C16orf95: variants seen among roughly 807,000 people sequenced by gnomAD.
C16orf95 encodes the protein chromosome 16 open reading frame 95, also known as uncharacterized protein C16orf95.
A neutral mutation model predicts 32.1 loss-of-function variants in C16orf95; 41 were observed. The observed-to-expected ratio is 1.28, with a 90% CI of 1.00 to 1.66. C16orf95 has a LOEUF of 1.66. C16orf95 is among the 40% of genes most tolerant of loss of function. The pLI is 0.00. For synonymous variants in C16orf95, 147 were observed against 128.9 expected (o/e 1.14, Z -0.95); for missense variants, 399 against 325.9 (o/e 1.22, Z -1.73).
intron 5 of C16orf95, among the ~76,000 whole-genome samples, chr16:87,309,086 G>A (rs150211367): frequency 1.8e-4 from 27 of 152,268 alleles, no homozygotes; most frequent in African/African-American, 6.0e-4. Context: ...GTGGTACACT[G>A]TCACCATAAA....
In C16orf95 at chr16:87,317,173, A is replaced by G. The variant is rs1317515879; in HGVS notation, c.70T>C (p.Ser24Pro). 2.0e-6 allele frequency: 3 copies of G among 1,530,096 alleles called. No homozygotes were observed. The South Asian group carries it at 3.6e-5, about 18-fold the overall frequency. 94.8% of individuals were successfully genotyped at this position (1,530,096 alleles called of 1,614,324 possible). Residue 24 changes from serine (S) to proline (P), a missense_variant, in exon 1 of 7, where the codon TCA (serine) becomes CCA (proline). By Grantham distance (74) the Ser-to-Pro change is moderately conservative. Transcript: ENST00000567970. Reference protein sequence around the residue: ...HHHHEATGAASGAAAGGPGAG... With the variant: ...HHHHEATGAAPGAAAGGPGAG... ...CCCGGCCCCCCGGCAGCAGCGCCTG[A>G]GGCTGCTCCAGTGGCCTCATGATGA...
intron 6 of C16orf95, 120 bp from the exon 7 acceptor site, chr16:87,303,195 G>A (rs1322098109): frequency 1.0e-6 from 1 of 965,614 alleles, no homozygotes; most frequent in African/African-American, 1.6e-5. Context: ...CAGTGCACAG[G>A]GCTGGAGGAA....
chr16:87,306,179 A>AG (rs1911021204), intron 5 of C16orf95: 1 of 300,680 alleles, frequency 3.3e-6, no homozygotes, highest in Non-Finnish European at 6.1e-6. Flanking sequence ...TCTAGCTGGG[A>AG]CTTGTTTCCA....
intron 6 of C16orf95, 32 bp from the exon 7 acceptor site, chr16:87,303,107 C>G: frequency 6.5e-7 from 1 of 1,536,006 alleles, no homozygotes; most frequent in Non-Finnish European, 8.7e-7. Flanking sequence ...TTACTAGGAC[C>G]CGGCCCCAGG....
At chr16:87,306,329 A>C (rs1911028718) in intron 5 of C16orf95, among the ~76,000 whole-genome samples, 1 of 152,162 alleles carries the variant, frequency 6.6e-6, no homozygotes, top group African/African-American at 2.4e-5. Context: ...TTCCATAACA[A>C]AAGTTTAAGG....
At chr16:87,306,512 TA>T (rs1326490456) in intron 5 of C16orf95, among the ~76,000 whole-genome samples, 1 of 152,110 alleles carries the variant, frequency 6.6e-6, no homozygotes, top group African/African-American at 2.4e-5. Context: ...TATATTAATG[TA>T]AATATCATAA....
At position 87,305,921 on chromosome 16, in the gene C16orf95, G is replaced by C. The variant is rs371479610; in HGVS notation, c.515-16C>G. ...AGCAGGGGTGCTAGGCAAAGAAAAG[G>C]TGGGTTGAGGACAGGGCGTGTTCTC... On this transcript the variant is annotated splice_polypyrimidine_tract_variant and intron_variant, in intron 5 of 6. Transcript: ENST00000567970. The surrounding 1 kb of genome is among the most constrained non-coding windows in gnomAD (Gnocchi z 4.2). 2 of 1,409,848 alleles carry C rather than the reference G, an allele frequency of 1.4e-6. No homozygotes were observed. Among genetic ancestry groups the C allele is most frequent in the African/African-American group, 1.5e-5 (1 of 66,564 alleles). 87.3% of individuals were successfully genotyped at this position (1,409,848 alleles called of 1,614,324 possible). A position where few individuals can be genotyped will look rare whatever the true frequency, so the allele number is the denominator to read the frequency against.
chr16:87,316,445 T>C lies in C16orf95; in HGVS notation c.153-622A>G, dbSNP rs544965190. On this transcript the variant is annotated intron_variant, in intron 1 of 6. Transcript: ENST00000567970. ...GACAGTAGTGGGTCAAAGTGCTTTG[T>C]ATGTGGAAACCGTAAGAGCGATATA... Among the ~76,000 whole-genome samples, 8 of 152,302 alleles carry C rather than the reference T, an allele frequency of 5.3e-5. No homozygotes were observed. In the South Asian group the frequency reaches 8.3e-4, roughly 16 times the overall value.
chr16:87,315,745 C>T, intron 2 of C16orf95, 27 bp downstream of exon 2: 1 of 1,514,838 alleles, frequency 6.6e-7, no homozygotes. Flanking sequence ...GGGTCAGGGC[C>T]AGTGGCTGAG....
chr16:87,311,455 C>A (rs1300802289), intron 3 of C16orf95, among the ~76,000 whole-genome samples, 159 bp from the exon 4 acceptor site: 6 of 152,242 alleles, frequency 3.9e-5, no homozygotes, highest in Non-Finnish European at 8.8e-5. Context: ...CACACCCAAC[C>A]ACTCCAGATA....
At chr16:87,310,370 C>T (rs1911226282) in intron 4 of C16orf95, 37 bp from the exon 5 acceptor site, 9 of 1,535,128 alleles carry the variant, frequency 5.9e-6, no homozygotes, top group Middle Eastern at 1.7e-4. Flanking sequence ...GTCAGCCTGG[C>T]GACCCTCCAA....
chr16:87,308,225 G>A (rs748311115), intron 5 of C16orf95, among the ~76,000 whole-genome samples: 6 of 152,154 alleles, frequency 3.9e-5, no homozygotes, highest in Non-Finnish European at 7.3e-5. Flanking sequence ...GTTCACGCCT[G>A]TAATCCCAGC....
intron 2 of C16orf95, among the ~76,000 whole-genome samples, chr16:87,315,460 G>C (rs1163956786): frequency 1.3e-5 from 2 of 152,232 alleles, no homozygotes; most frequent in African/African-American, 2.4e-5. Flanking sequence ...TGGTGTGCAA[G>C]AGCTTCCACA....
intron 3 of C16orf95, 118 bp from the exon 4 acceptor site, chr16:87,311,414 C>A: frequency 8.9e-7 from 1 of 1,119,138 alleles, no homozygotes; most frequent in East Asian, 2.6e-5. Flanking sequence ...AGTATCAGGG[C>A]AGGCCCTGGA....
rs1403076753 is a variant in C16orf95 at position 87,305,698 on chromosome 16, C to T, written c.701+21G>A. ...CACCATGCCAGGGCCACCCACTGTC[C>T]CCCATCCCCCACCTGCTCACCGAAT... is the stretch of plus-strand genomic sequence containing the variant. On this transcript the variant is annotated intron_variant, in intron 6 of 6. Transcript: ENST00000567970. This position sits in a 1 kb window ranked among gnomAD's most constrained non-coding sequence, Gnocchi z 4.2. 1.3e-6 allele frequency: 2 copies of T among 1,482,366 alleles called. No homozygotes were observed. Among genetic ancestry groups the T allele is most frequent in the Non-Finnish European group, 8.9e-7 (1 of 1,121,812 alleles). 91.8% of individuals were successfully genotyped at this position (1,482,366 alleles called of 1,614,324 possible).
At position 87,315,772 on chromosome 16, in the gene C16orf95, C is replaced by A; in HGVS notation, c.204G>T (p.Ser68=). 6.5e-7 allele frequency: 1 copy of A among 1,528,504 alleles called. No individual in the cohort carries two copies. The highest frequency in any genetic ancestry group is 8.7e-7 in the Non-Finnish European group (1 of 1,142,914). 94.7% of individuals were successfully genotyped at this position (1,528,504 alleles called of 1,614,324 possible). Residue 68 remains serine, a splice_region_variant and synonymous_variant, in exon 2 of 7, where the codon TCG becomes TCT. Coordinates refer to ENST00000567970, the MANE Select transcript of C16orf95 (RefSeq NM_001195124.3). ...GTGGCTGAGGATTTGCTTTCCTTAC[C>A]GAATGACGGGGGAGGCACACTTCTT... ...YKKEVCLPRH[S]MHPGPWAICC... is the part of the protein sequence containing the mutation.
At chr16:87,316,444 G>T (rs879286290) in intron 1 of C16orf95, among the ~76,000 whole-genome samples, 1 of 152,160 alleles carries the variant, frequency 6.6e-6, no homozygotes, top group East Asian at 1.9e-4. Flanking sequence ...AAAGTGCTTT[G>T]TATGTGGAAA....
In C16orf95 at chr16:87,305,720, G is replaced by C. The variant is rs965286973; in HGVS notation, c.700C>G (p.Arg234Gly). The C allele has an allele frequency of 6.7e-7, 1 of 1,501,482 alleles. No individual in the cohort carries two copies. Among genetic ancestry groups the C allele is most frequent in the African/African-American group, 1.4e-5 (1 of 70,180 alleles). 93.0% of individuals were successfully genotyped at this position (1,501,482 alleles called of 1,614,324 possible). ...QAIPRVIMAI[R>G]QCFGV ...GTCCCCCATCCCCCACCTGCTCACC[G>C]AATGGCCATGATGACCCTCGGGATG... The change falls in exon 6 of 7, where the codon CGC becomes GGC. Residue 234 changes from arginine (R) to glycine (G), a missense_variant and splice_region_variant. Coordinates refer to ENST00000567970, the MANE Select transcript of C16orf95 (RefSeq NM_001195124.3). This position sits in a 1 kb window ranked among gnomAD's most constrained non-coding sequence, Gnocchi z 4.2.
At chr16:87,309,127 T>C (rs1390644785) in intron 5 of C16orf95, among the ~76,000 whole-genome samples, 1 of 152,184 alleles carries the variant, frequency 6.6e-6, no homozygotes, top group Non-Finnish European at 1.5e-5. Flanking sequence ...AGTTTACCAT[T>C]GTTCCACTCA....
Sources: gnomAD v4.1 joint callset for allele counts (sites outside exome capture counted in the v4.1 genomes callset) on GRCh38, gnomAD v4.1.1 for gene constraint, Gnocchi (gnomAD v3.1) non-coding constraint, MANE v1.5 for transcripts, NCBI Gene and HGNC (gene_info 2026-07-23, HGNC 2026-07-21) for gene names.